Variants in PTPRD observed in about 807,000 individuals in gnomAD.
PTPRD encodes protein tyrosine phosphatase receptor type D.
In PTPRD, 34 loss-of-function variants were observed where a neutral mutation model predicts 214.5. The ratio of observed to expected loss-of-function variants is 0.16; its 90% CI spans 0.12 to 0.21. The LOEUF (loss-of-function observed/expected upper bound fraction) is 0.21. Among genes scored for constraint, PTPRD ranks in the 10% least tolerant of loss-of-function variants. The pLI, the probability that PTPRD is intolerant of heterozygous loss-of-function variation, is 1.00. For missense variants in PTPRD, 2,545 were observed against 2,398.7 expected (o/e 1.06, Z -1.27); for synonymous variants, 1,128 against 845.7 (o/e 1.33, Z -5.79).
At chr9:10,336,892 T>C (rs533849731) in intron 3 of PTPRD, among the ~76,000 whole-genome samples, 2 of 151,692 alleles carry the variant, frequency 1.3e-5, no homozygotes, top group South Asian at 2.1e-4. Context: ...TCATTCTCTA[T>C]AGACAGAGAT....
chr9:9,077,906 T>C (rs750386820), intron 10 of PTPRD, among the ~76,000 whole-genome samples: 1 of 152,074 alleles, frequency 6.6e-6, no homozygotes. Context: ...CTAAAATAAA[T>C]ATCTATTTAC....
intron 8 of PTPRD, among the ~76,000 whole-genome samples, chr9:9,485,652 C>A (rs1385854598): frequency 6.6e-6 from 1 of 152,076 alleles, no homozygotes; most frequent in African/African-American, 2.4e-5. Flanking sequence ...CCACAAAATT[C>A]TCTGCATCTT....
intron 2 of PTPRD, among the ~76,000 whole-genome samples, chr9:10,385,890 G>A (rs1282452267): frequency 6.6e-6 from 1 of 151,690 alleles, no homozygotes; most frequent in African/African-American, 2.4e-5. Flanking sequence ...ATGATTATAA[G>A]AGATAATTAT....
chr9:8,513,659 T>TGGTTATC (rs1394159728), intron 21 of PTPRD, among the ~76,000 whole-genome samples: 1 of 152,124 alleles, frequency 6.6e-6, no homozygotes, highest in Non-Finnish European at 1.5e-5. Flanking sequence ...TATCTCATAA[T>TGGTTATC]GGTTATCGTC....
At chr9:10,550,488 C>G (rs1226111139) in intron 2 of PTPRD, among the ~76,000 whole-genome samples, 1 of 152,126 alleles carries the variant, frequency 6.6e-6, no homozygotes, top group South Asian at 2.1e-4. Context: ...GAGCTGGTTG[C>G]TGATTTAGGC....
chr9:9,019,320 G>C (rs1396273424), intron 10 of PTPRD, among the ~76,000 whole-genome samples: 2 of 86,292 alleles, frequency 2.3e-5, no homozygotes, highest in African/African-American at 5.0e-5. Flanking sequence ...AAGAAAGAAA[G>C]AAAGAAAGAA....
At chr9:9,795,176 T>G (rs900827854) in intron 5 of PTPRD, among the ~76,000 whole-genome samples, 25 of 152,206 alleles carry the variant, frequency 1.6e-4, no homozygotes, top group African/African-American at 5.3e-4. Context: ...TCTGTCACAC[T>G]TTTGCTCCTG....
At chr9:9,326,970 A>G (rs1366444807) in intron 9 of PTPRD, among the ~76,000 whole-genome samples, 1 of 152,138 alleles carries the variant, frequency 6.6e-6, no homozygotes, top group Non-Finnish European at 1.5e-5. Flanking sequence ...TTAGGTTGGG[A>G]GCAGTGTATG....
At chr9:9,591,720 A>G (rs1443672981) in intron 7 of PTPRD, among the ~76,000 whole-genome samples, 1 of 152,056 alleles carries the variant, frequency 6.6e-6, no homozygotes, top group African/African-American at 2.4e-5. Context: ...TGTGTGGTAC[A>G]GTGGGATGTT....
chr9:10,044,803 A>G (rs2154146058), intron 3 of PTPRD, among the ~76,000 whole-genome samples: 1 of 151,828 alleles, frequency 6.6e-6, no homozygotes. Context: ...GCTATGGGAT[A>G]GATTTTGCAA....
intron 5 of PTPRD, among the ~76,000 whole-genome samples, chr9:9,887,126 G>C (rs1437539781): frequency 6.6e-6 from 1 of 152,068 alleles, no homozygotes; most frequent in Non-Finnish European, 1.5e-5. Context: ...TTACACATTG[G>C]TGGCAAGTCA....
chr9:9,131,474 T>G (rs1228021059), intron 10 of PTPRD, among the ~76,000 whole-genome samples: 2 of 152,184 alleles, frequency 1.3e-5, no homozygotes, highest in African/African-American at 4.8e-5. Context: ...TGGAACAGAT[T>G]GTAGCAGTTC....
intron 23 of PTPRD, among the ~76,000 whole-genome samples, chr9:8,503,081 G>T (rs543539904): frequency 6.6e-6 from 1 of 151,836 alleles, no homozygotes; most frequent in Non-Finnish European, 1.5e-5. Flanking sequence ...GGGAATAAAC[G>T]ATAATCACTA....
intron 10 of PTPRD, among the ~76,000 whole-genome samples, chr9:9,071,057 G>T (rs536601368): frequency 1.1e-3 from 173 of 152,206 alleles, no homozygotes; most frequent in African/African-American, 3.7e-3. Context: ...GGGACCACAG[G>T]CATGCACCAC....
intron 4 of PTPRD, among the ~76,000 whole-genome samples, chr9:10,012,039 T>C (rs894115632): frequency 6.6e-6 from 1 of 152,008 alleles, no homozygotes; most frequent in African/African-American, 2.4e-5. Context: ...ATATTGATAT[T>C]GACAGGAAAC....
chr9:10,358,971 C>G (rs961357854), intron 2 of PTPRD, among the ~76,000 whole-genome samples: 4 of 151,920 alleles, frequency 2.6e-5, no homozygotes, highest in Non-Finnish European at 4.4e-5. Flanking sequence ...ATAGAATTCA[C>G]ATCTTTGTTT....
chr9:9,642,309 A>T (rs1264745635), intron 7 of PTPRD, among the ~76,000 whole-genome samples: 5 of 146,610 alleles, frequency 3.4e-5, no homozygotes, highest in African/African-American at 1.3e-4. Flanking sequence ...AGATATACCT[A>T]AGGCTAGATG....
intron 5 of PTPRD, among the ~76,000 whole-genome samples, chr9:9,834,669 T>C (rs1433156947): frequency 1.3e-5 from 2 of 152,044 alleles, no homozygotes; most frequent in African/African-American, 2.4e-5. Context: ...AAACAGTTAA[T>C]AAAAATTAAT....
chr9:8,923,462 C>T (rs1176333668), intron 11 of PTPRD, among the ~76,000 whole-genome samples: 4 of 151,666 alleles, frequency 2.6e-5, no homozygotes, highest in Non-Finnish European at 2.9e-5. Context: ...CTCCTGTGGC[C>T]CGTGGTCCAA....
Sources: gnomAD v4.1 joint callset for allele counts (sites outside exome capture counted in the v4.1 genomes callset) on GRCh38, gnomAD v4.1.1 for gene constraint, MANE v1.5 for transcripts, NCBI Gene and HGNC (gene_info 2026-07-23, HGNC 2026-07-21) for gene names.